The following PLCB4 variants were observed in gnomAD, a reference collection of about 807,000 sequenced individuals.
PLCB4 encodes phospholipase C beta 4.
In PLCB4, 77 loss-of-function variants were observed where a neutral mutation model predicts 178.8. The ratio of observed to expected loss-of-function variants is 0.43; its 90% confidence interval spans 0.36 to 0.52. The LOEUF (loss-of-function observed/expected upper bound fraction) is 0.52. Ranked by LOEUF, PLCB4 falls within the 20% of genes least tolerant of loss-of-function variation. PLCB4 has a pLI of 0.00. For synonymous variants in PLCB4, 496 were observed against 490.8 expected (o/e 1.01, Z -0.14); for missense variants, 1,024 against 1,453.4 (o/e 0.70, Z 4.80).
chr20:9,346,315 G>A (rs2033789593), intron 7 of PLCB4, among the ~76,000 whole-genome samples: 1 of 152,152 alleles, frequency 6.6e-6, no homozygotes, highest in Non-Finnish European at 1.5e-5. Flanking sequence ...AAGCAGAAAA[G>A]CTCAATCACT....
chr20:9,453,199 G>A (rs2042871750), intron 32 of PLCB4, 148 bp from the exon 33 acceptor site: 1 of 551,858 alleles, frequency 1.8e-6, no homozygotes, highest in East Asian at 2.9e-5. Context: ...TTGAATGGGA[G>A]ATCTGGAGTC....
At chr20:9,364,262 C>T (rs1343048559) in intron 8 of PLCB4, among the ~76,000 whole-genome samples, 1 of 152,146 alleles carries the variant, frequency 6.6e-6, no homozygotes, top group Non-Finnish European at 1.5e-5. Context: ...GGGTCAAAAA[C>T]TTTTAGAAGG....
chr20:9,188,601 A>G (rs1249149786), intron 2 of PLCB4, among the ~76,000 whole-genome samples: 1 of 136,712 alleles, frequency 7.3e-6, no homozygotes, highest in African/African-American at 3.0e-5. Flanking sequence ...TTAACTGTTC[A>G]TTGTGGAGGG....
chr20:9,071,824 A>T (rs1028798757), intron 1 of PLCB4, among the ~76,000 whole-genome samples: 1 of 152,180 alleles, frequency 6.6e-6, no homozygotes, highest in African/African-American at 2.4e-5. Context: ...ATTATTTAGC[A>T]GGCTGTGACT....
At position 9,384,254 on chromosome 20, in the gene PLCB4, C is replaced by T. The variant is rs1241046550; in HGVS notation, c.907C>T (p.Pro303Ser). The T allele has an allele frequency of 6.2e-7, 1 of 1,614,110 alleles. No homozygotes were observed. The highest frequency in any genetic ancestry group is 1.7e-5 in the Admixed American group (1 of 60,024). Reference protein sequence around the residue: ...CRYLMSDENAPVFLDRLELYQ... With the variant: ...CRYLMSDENASVFLDRLELYQ... ...ATATCTGATGTCAGATGAAAACGCC[C>T]CAGTCTTCCTAGATCGTTTAGAACT... The change falls in exon 14 of 40, where the codon CCA becomes TCA. Residue 303 changes from proline to serine, a missense_variant. By Grantham distance (74) the Pro-to-Ser change is moderately conservative. This residue lies in a region of PLCB4 where 263 missense variants were observed against 417.4 expected (regional missense o/e 0.63). Coordinates refer to ENST00000378473, the MANE Select transcript of PLCB4 (RefSeq NM_001377142.1).
chr20:9,434,124 A>T (rs2041608474), intron 28 of PLCB4, among the ~76,000 whole-genome samples: 2 of 152,226 alleles, frequency 1.3e-5, no homozygotes, highest in Non-Finnish European at 2.9e-5. Context: ...TGGAAAGTTT[A>T]AGCAACCCTT....
chr20:9,116,071 A>AAT (rs141948381), intron 2 of PLCB4, among the ~76,000 whole-genome samples: 4,154 of 151,776 alleles, frequency 0.027, 183 homozygotes, highest in African/African-American at 0.094. Context: ...TAGAAATGTG[A>AAT]ATATATATAT....
intron 3 of PLCB4, among the ~76,000 whole-genome samples, chr20:9,241,261 T>C (rs1466962282): frequency 6.6e-6 from 1 of 152,154 alleles, no homozygotes; most frequent in Non-Finnish European, 1.5e-5. Flanking sequence ...TCTCTATTTA[T>C]CTTGCCCATT....
chr20:9,438,282 C>T (rs143259232), intron 30 of PLCB4, among the ~76,000 whole-genome samples: 3,171 of 150,804 alleles, frequency 0.021, 93 homozygotes, highest in African/African-American at 0.074. Context: ...AGGAGAATGG[C>T]GTGAGCCCGG....
intron 9 of PLCB4, among the ~76,000 whole-genome samples, chr20:9,367,441 T>C (rs1042085452): frequency 6.6e-6 from 1 of 152,352 alleles, no homozygotes; most frequent in East Asian, 1.9e-4. Context: ...CAGCCTTGAC[T>C]GATGGTTGTT....
chr20:9,090,412 A>G (rs2090624660), intron 1 of PLCB4, among the ~76,000 whole-genome samples: 1 of 152,024 alleles, frequency 6.6e-6, no homozygotes, highest in African/African-American at 2.4e-5. Context: ...AAAATAATAG[A>G]TAACTAACTA....
chr20:9,410,943 A>G (rs2039813355), intron 24 of PLCB4, 94 bp from the exon 25 acceptor site: 1 of 830,612 alleles, frequency 1.2e-6, no homozygotes, highest in South Asian at 1.4e-5. Flanking sequence ...CTGTGGGCCT[A>G]GGAGCAATCT....
At chr20:9,196,722 T>C (rs1436428753) in intron 2 of PLCB4, among the ~76,000 whole-genome samples, 1 of 152,150 alleles carries the variant, frequency 6.6e-6, no homozygotes. Flanking sequence ...TTAGTCTGCT[T>C]TCATGAGGGT....
At chr20:9,477,984 C>T (rs2044663520) in intron 39 of PLCB4, among the ~76,000 whole-genome samples, 1 of 152,026 alleles carries the variant, frequency 6.6e-6, no homozygotes, top group African/African-American at 2.4e-5. Flanking sequence ...TTCATAGGTC[C>T]ATGTTTCTAT....
intron 2 of PLCB4, among the ~76,000 whole-genome samples, chr20:9,153,755 G>A (rs1463805827): frequency 6.6e-6 from 1 of 152,162 alleles, no homozygotes; most frequent in Non-Finnish European, 1.5e-5. Context: ...GGAATAAGGT[G>A]CATAGGTGAA....
chr20:9,160,592 A>G (rs1398037744), intron 2 of PLCB4, among the ~76,000 whole-genome samples: 1 of 152,192 alleles, frequency 6.6e-6, no homozygotes, highest in East Asian at 1.9e-4. Context: ...AGTTTTTGCA[A>G]CTAAAAAAGA....
chr20:9,393,890 T>C (rs1294891759), intron 18 of PLCB4, among the ~76,000 whole-genome samples: 2 of 152,218 alleles, frequency 1.3e-5, no homozygotes, highest in African/African-American at 4.8e-5. Flanking sequence ...AGCATATCTA[T>C]ATATTCAAAT....
chr20:9,398,124 C>A (rs2038746296), intron 19 of PLCB4, among the ~76,000 whole-genome samples: 1 of 152,148 alleles, frequency 6.6e-6, no homozygotes, highest in African/African-American at 2.4e-5. Flanking sequence ...ATCTAAGAGC[C>A]AGTGTCTCAA....
chr20:9,312,418 G>T (rs1476611216), intron 4 of PLCB4, among the ~76,000 whole-genome samples: 1 of 148,344 alleles, frequency 6.7e-6, no homozygotes, highest in Non-Finnish European at 1.5e-5. Flanking sequence ...ACACACACGT[G>T]GTGGAGGAAA....
Sources: allele counts gnomAD v4.1 joint callset (sites outside exome capture counted in the v4.1 genomes callset), GRCh38; gene constraint gnomAD v4.1.1; regional missense constraint gnomAD v4.1.1; transcripts MANE v1.5; gene names NCBI Gene and HGNC (gene_info 2026-07-23, HGNC 2026-07-21).